The following RPUSD1 variants were observed in gnomAD, a reference collection of about 807,000 sequenced individuals.
RPUSD1 encodes pseudouridylate synthase RPUSD1.
Under a neutral mutation model 22.4 loss-of-function variants are expected in RPUSD1, and 28 were observed. The observed-to-expected ratio is 1.25, with a 90% CI of 0.93 to 1.72. The LOEUF is 1.72. RPUSD1 is among the 40% of genes most tolerant of loss of function. RPUSD1 has a pLI of 0.00. For synonymous variants in RPUSD1, 298 were observed against 201.0 expected (o/e 1.48, Z -4.08); for missense variants, 596 against 442.2 (o/e 1.35, Z -3.12).
Position 787,679 on chromosome 16 carries a change from A to C in RPUSD1, c.59T>G (p.Val20Gly), listed in dbSNP as rs780119887. The change falls in exon 2 of 6, where the codon GTG (valine) becomes GGG (glycine). Residue 20 changes from valine (V) to glycine (G), a missense_variant. Transcript: ENST00000007264. ...GCGAACGTCCCAGTGCTTGTTGACC[A>C]CCAGGAAGTCGCGGCTCCGGTACAC... is the stretch of plus-strand genomic sequence containing the variant. ...SIVYRSRDFL[V>G]VNKHWDVRID... 5.0e-6 allele frequency: 8 copies of C among 1,612,266 alleles called. No homozygotes were observed. The East Asian group carries it at 1.8e-4, about 36-fold the overall frequency.
Position 786,234 on chromosome 16 carries a change from T to C in RPUSD1, c.655A>G (p.Thr219Ala). The C allele has an allele frequency of 1.9e-6, 3 of 1,612,732 alleles. No homozygotes were observed. Among genetic ancestry groups the C allele is most frequent in the Non-Finnish European group, 2.5e-6 (3 of 1,179,926 alleles). The change falls in exon 6 of 6, where the codon ACC (threonine) becomes GCC (alanine). Residue 219 changes from threonine to alanine, a missense_variant. Thr to Ala is a moderately conservative substitution (Grantham distance 58). Transcript: ENST00000007264. ...HAFYLRIPTD[T>A]ECVEVCTPDP... ...GGCGTGCAGACCTCCACACACTCGG[T>C]GTCCGTGGGGATGCGCAGGTAGAAA... is the stretch of plus-strand genomic sequence containing the variant.
At position 787,085 on chromosome 16, in the gene RPUSD1, C is replaced by T. The variant is rs200221497; in HGVS notation, c.401G>A (p.Gly134Asp). ...EGRAHTMCIEGSQGCENPKPS... is the reference protein window; with the variant it reads ...EGRAHTMCIEDSQGCENPKPS... ...GTCCCTGCCTGCCACACCCTGCGAG[C>T]CCTCGATGCACATGGTGTGGGCCCG... The change falls in exon 4 of 6, where the codon GGC becomes GAC. Residue 134 changes from glycine (G) to aspartate (D), a missense_variant. Gly to Asp is a moderately conservative substitution (Grantham distance 94, BLOSUM62 -1). Coordinates refer to ENST00000007264, the MANE Select transcript of RPUSD1 (RefSeq NM_058192.3). The T allele has an allele frequency of 1.9e-6, 3 of 1,606,048 alleles. No individual in the cohort carries two copies. Among genetic ancestry groups the T allele is most frequent in the Middle Eastern group, 1.7e-4 (1 of 6,052 alleles).
In RPUSD1 at chr16:786,341, A is replaced by G. The variant is rs757434302; in HGVS notation, c.548T>C (p.Leu183Pro). 19 of 1,611,798 alleles carry G rather than the reference A, an allele frequency of 1.2e-5. No homozygotes were observed. The highest frequency in any genetic ancestry group is 4.5e-5 in the East Asian group (2 of 44,822). Reference sequence around the variant, plus strand: ...CAGGTCGCCCACCACGGGGTGGCCCAGGGCACTGCAGTGCACGCGCAGCTG... The same window carrying G: ...CAGGTCGCCCACCACGGGGTGGCCCGGGGCACTGCAGTGCACGCGCAGCTG... ...THQLRVHCSA[L>P]GHPVVGDLTY... The change falls in exon 6 of 6, where the codon CTG (leucine) becomes CCG (proline). Residue 183 changes from leucine to proline, a missense_variant. Transcript: ENST00000007264.
chr16:786,544 G>T, intron 5 of RPUSD1, 167 bp from the exon 6 acceptor site: 1 of 782,354 alleles, frequency 1.3e-6, no homozygotes, highest in South Asian at 1.6e-5. Context: ...CAGTATTTAG[G>T]ACAGAAGATT....
intron 1 of RPUSD1, 185 bp from the exon 2 acceptor site, chr16:787,929 CAAG>C (rs2042013107): frequency 4.8e-6 from 3 of 625,856 alleles, no homozygotes; most frequent in East Asian, 5.5e-5. Context: ...GCTGGGGAGT[CAAG>C]GAGTCAGCCT....
intron 3 of RPUSD1, 86 bp from the exon 4 acceptor site, chr16:787,265 G>C (rs1239932959): frequency 3.2e-6 from 5 of 1,544,256 alleles, no homozygotes; most frequent in African/African-American, 2.7e-5. Flanking sequence ...ACCACGTAGA[G>C]CGTGGTGGGA....
Position 787,481 on chromosome 16 carries a change from G to C in RPUSD1, c.183-4C>G, listed in dbSNP as rs2041984350. The C allele has an allele frequency of 1.3e-6, 2 of 1,588,076 alleles. No individual in the cohort carries two copies. The highest frequency in any genetic ancestry group is 1.7e-6 in the Non-Finnish European group (2 of 1,167,506). ...GAAATCCAGCTGGTGGCAGAACCTGGAGTGGGACAGAGTCCAGAGTCTGAG... is the reference window on the plus strand; with the variant it reads ...GAAATCCAGCTGGTGGCAGAACCTGCAGTGGGACAGAGTCCAGAGTCTGAG... On this transcript the variant is annotated splice_region_variant and splice_polypyrimidine_tract_variant and intron_variant, in intron 2 of 5. Transcript: ENST00000007264.
chr16:786,225 C>T lies in RPUSD1; in HGVS notation c.664G>A (p.Val222Met). The T allele has an allele frequency of 1.2e-6, 2 of 1,612,778 alleles. No homozygotes were observed. The highest frequency in any genetic ancestry group is 3.3e-5 in the Admixed American group (2 of 60,026). Reference protein sequence around the residue: ...YLRIPTDTECVEVCTPDPFLP... With the variant: ...YLRIPTDTECMEVCTPDPFLP... ...AAGGGGTCAGGCGTGCAGACCTCCA[C>T]ACACTCGGTGTCCGTGGGGATGCGC... Residue 222 changes from valine (V) to methionine (M), a missense_variant, in exon 6 of 6, where the codon GTG becomes ATG. Coordinates refer to ENST00000007264, the MANE Select transcript of RPUSD1 (RefSeq NM_058192.3).
In RPUSD1 at chr16:786,028, G is replaced by A; in HGVS notation, c.861C>T (p.Thr287=). The A allele has an allele frequency of 6.7e-7, 1 of 1,499,676 alleles. No homozygotes were observed. The highest frequency in any genetic ancestry group is 8.9e-7 in the Non-Finnish European group (1 of 1,127,686). The allele number at this position is 1,499,676 out of a possible 1,614,324, so 92.9% of individuals were successfully genotyped here. A position where few individuals can be genotyped will look rare whatever the true frequency, so the allele number is the denominator to read the frequency against. Residue 287 remains threonine (T), a synonymous_variant, in exon 6 of 6, where the codon ACC becomes ACT. Transcript: ENST00000007264. ...PGPGRPPPPP[T]KPPETEAQRG... The stretch of plus-strand genomic sequence containing the variant: ...GCTGTGCCTCAGTCTCAGGGGGCTT[G>A]GTTGGGGGTGGAGGAGGCCGGCCGG...
rs751252137 is a variant in RPUSD1 at position 786,248 on chromosome 16, C to T, written c.641G>A (p.Arg214His). Residue 214 changes from arginine (R) to histidine (H), a missense_variant, in exon 6 of 6, where the codon CGC becomes CAC. Transcript: ENST00000007264. ...CACACACTCGGTGTCCGTGGGGATG[C>T]GCAGGTAGAAAGCGTGCAGCATCAT... ...FRMMLHAFYL[R>H]IPTDTECVEV... 20 of 1,612,766 alleles carry T rather than the reference C, an allele frequency of 1.2e-5. 1 individual carries two copies. The highest frequency in any genetic ancestry group is 2.2e-5 in the East Asian group (1 of 44,884).
At position 785,660 on chromosome 16, in the gene RPUSD1, C is replaced by G. The variant is rs2041876042; in HGVS notation, c.*290G>C. On this transcript the variant is annotated 3_prime_UTR_variant, in exon 6 of 6. Transcript: ENST00000007264. Reference sequence around the variant, plus strand: ...GACGCTTGAGAGCCGGAAGCTGTTCCAGGAGGAGGGAGGGGCCTCGGTTTC... The same window carrying G: ...GACGCTTGAGAGCCGGAAGCTGTTCGAGGAGGAGGGAGGGGCCTCGGTTTC... The G allele has an allele frequency of 2.7e-6, 1 of 366,710 alleles. No homozygotes were observed. The highest frequency in any genetic ancestry group is 2.1e-5 in the African/African-American group (1 of 47,802). The allele number at this position is 366,710 out of a possible 1,614,324, so 22.7% of individuals were successfully genotyped here.
intron 1 of RPUSD1, 39 bp from the exon 2 acceptor site, chr16:787,783 T>A (rs369269900): frequency 1.6e-5 from 26 of 1,588,950 alleles, no homozygotes; most frequent in Admixed American, 3.4e-5. Context: ...TGTGAGCACG[T>A]GGTGCGCCCC....
chr16:785,914 G>A lies in RPUSD1; in HGVS notation c.*36C>T, dbSNP rs1280545461. On this transcript the variant is annotated 3_prime_UTR_variant, in exon 6 of 6. Coordinates refer to ENST00000007264, the MANE Select transcript of RPUSD1 (RefSeq NM_058192.3). ...TCGCCCATCTCCCTAGAGTCCCGCT[G>A]TGCAGCTGACACCCCCTGCCCCAGC... 7.0e-7 allele frequency: 1 copy of A among 1,418,454 alleles called. No individual in the cohort carries two copies. Among genetic ancestry groups the A allele is most frequent in the Non-Finnish European group, 9.2e-7 (1 of 1,086,600 alleles). The allele number at this position is 1,418,454 out of a possible 1,614,324, so 87.9% of individuals were successfully genotyped here.
intron 5 of RPUSD1, 132 bp from the exon 6 acceptor site, chr16:786,509 T>C (rs2041918846): frequency 1.2e-6 from 1 of 834,520 alleles, no homozygotes; most frequent in Non-Finnish European, 1.8e-6. Flanking sequence ...GAACTCTCCC[T>C]GTCCCCTGCC....
In RPUSD1 at chr16:786,212, G is replaced by T; in HGVS notation, c.677C>A (p.Thr226Lys). The T allele has an allele frequency of 6.2e-7, 1 of 1,612,748 alleles. No individual in the cohort carries two copies. The highest frequency in any genetic ancestry group is 8.5e-7 in the Non-Finnish European group (1 of 1,179,924). ...CAGGGAGGGCAGGAAGGGGTCAGGC[G>T]TGCAGACCTCCACACACTCGGTGTC... ...PTDTECVEVC[T>K]PDPFLPSLDA... Residue 226 changes from threonine (T) to lysine (K), a missense_variant, in exon 6 of 6, where the codon ACG (threonine) becomes AAG (lysine). Coordinates refer to ENST00000007264, the MANE Select transcript of RPUSD1 (RefSeq NM_058192.3).
In RPUSD1 at chr16:785,638, G is replaced by A. The variant is rs559835547; in HGVS notation, c.*312C>T. On this transcript the variant is annotated 3_prime_UTR_variant, in exon 6 of 6. Coordinates refer to ENST00000007264, the MANE Select transcript of RPUSD1 (RefSeq NM_058192.3). ...GTAAAACTGACGCCCCTGGGGTGAC[G>A]CTTGAGAGCCGGAAGCTGTTCCAGG... is the stretch of plus-strand genomic sequence containing the variant. 310 of 330,004 alleles carry A rather than the reference G, an allele frequency of 9.4e-4. 1 individual carries two copies. Among genetic ancestry groups the A allele is most frequent in the African/African-American group, 5.9e-3 (276 of 47,120 alleles). 20.4% of individuals were successfully genotyped at this position (330,004 alleles called of 1,614,324 possible).
At chr16:787,029 C>A (rs759892837) in intron 4 of RPUSD1, 48 bp downstream of exon 4, 1 of 1,593,232 alleles carries the variant, frequency 6.3e-7, no homozygotes, top group Non-Finnish European at 8.6e-7. Context: ...CCTGCCCAGG[C>A]CCACCCCAAC....
rs373949325 is a variant in RPUSD1 at position 787,541 on chromosome 16, G to A, written c.182+15C>T. 5.0e-6 allele frequency: 8 copies of A among 1,606,774 alleles called. No homozygotes were observed. Among genetic ancestry groups the A allele is most frequent in the East Asian group, 2.2e-5 (1 of 44,650 alleles). On this transcript the variant is annotated intron_variant, in intron 2 of 5. Coordinates refer to ENST00000007264, the MANE Select transcript of RPUSD1 (RefSeq NM_058192.3). ...TCCACAGACGCCACCGTGGGGCTCC[G>A]GCCGCCCCCCCTACCTGAACCCGTA...
chr16:786,593 G>A, intron 5 of RPUSD1: 2 of 740,940 alleles, frequency 2.7e-6, no homozygotes, highest in Non-Finnish European at 4.7e-6. Flanking sequence ...GGCCAGGGTG[G>A]TGCTCGGTCC....
Sources: allele counts gnomAD v4.1 joint callset, GRCh38; gene constraint gnomAD v4.1.1; transcripts MANE v1.5; gene names NCBI Gene and HGNC (gene_info 2026-07-23, HGNC 2026-07-21).